EYA4: variants seen among roughly 807,000 people sequenced by gnomAD.
The protein encoded by EYA4 is EYA transcriptional coactivator and phosphatase 4, also known as protein phosphatase EYA4.
In EYA4, 31 loss-of-function variants were observed where a neutral mutation model predicts 87.9. That is an observed-to-expected ratio of 0.35 (90% CI 0.27 to 0.48). The LOEUF is 0.48. Ranked by LOEUF, EYA4 falls within the 20% of genes least tolerant of loss-of-function variation. The pLI, the probability that EYA4 is intolerant of heterozygous loss-of-function variation, is 0.99. For synonymous variants in EYA4, 263 were observed against 270.6 expected (o/e 0.97, Z 0.28); for missense variants, 678 against 761.4 (o/e 0.89, Z 1.29).
chr6:133,374,564 C>T (rs148040351), intron 2 of EYA4, among the ~76,000 whole-genome samples: 4 of 152,054 alleles, frequency 2.6e-5, no homozygotes, highest in African/African-American at 9.6e-5. Context: ...TGATGTGTAG[C>T]AGTTAAAGAA....
At position 133,529,531 on chromosome 6, in the gene EYA4, CAAAA is replaced by C. The variant is rs749389761; in HGVS notation, c.*734_*737del. ...AATCTCTGTAGATAATGAAAAAAAA[CAAAA>C]AAAAAAACCTTTGTGATGATTCTTA... On this transcript the variant is annotated 3_prime_UTR_variant, in exon 20 of 20. Transcript: ENST00000355286. The C allele has an allele frequency of 5.1e-6, 4 of 790,896 alleles. No individual in the cohort carries two copies. Among genetic ancestry groups the C allele is most frequent in the Non-Finnish European group, 4.5e-6 (3 of 659,488 alleles). 49.0% of individuals were successfully genotyped at this position (790,896 alleles called of 1,614,324 possible).
At chr6:133,476,278 C>T (rs1795721746) in intron 11 of EYA4, among the ~76,000 whole-genome samples, 1 of 152,154 alleles carries the variant, frequency 6.6e-6, no homozygotes, top group East Asian at 1.9e-4. Flanking sequence ...AATCTATTCT[C>T]TTAGCAATTT....
At chr6:133,360,807 G>A (rs896751905) in intron 2 of EYA4, 4 of 152,146 alleles carry the variant, frequency 2.6e-5, no homozygotes, top group Non-Finnish European at 4.4e-5. Flanking sequence ...TGGCATTCTC[G>A]ATGCTCCTCT....
chr6:133,378,239 A>C (rs1273507825), intron 2 of EYA4, among the ~76,000 whole-genome samples: 1 of 152,136 alleles, frequency 6.6e-6, no homozygotes, highest in Non-Finnish European at 1.5e-5. Flanking sequence ...CTTAAGTTGT[A>C]ATTCCAGCCT....
Position 133,444,003 on chromosome 6 carries a change from T to C in EYA4, c.84-2627T>C, listed in dbSNP as rs149009697. Among the ~76,000 whole-genome samples, 1,258 of 152,292 alleles carry C rather than the reference T, an allele frequency of 8.3e-3. 20 individuals are homozygous for C. Among genetic ancestry groups the C allele is most frequent in the African/African-American group, 0.029 (1,205 of 41,572 alleles). ...GAAAATAGTGTGCATTTTATAATTA[T>C]TGGGTATTAGTGTCCTGGAACTGTC... On this transcript the variant is annotated intron_variant, in intron 3 of 19. Coordinates refer to ENST00000355286, the MANE Select transcript of EYA4 (RefSeq NM_004100.5).
At chr6:133,417,183 G>T (rs1789788646) in intron 3 of EYA4, among the ~76,000 whole-genome samples, 2 of 152,182 alleles carry the variant, frequency 1.3e-5, no homozygotes, top group Admixed American at 1.3e-4. Context: ...TATTGATGGG[G>T]TAATTAAAGG....
At chr6:133,390,966 TACAA>T (rs567657469) in intron 3 of EYA4, among the ~76,000 whole-genome samples, 15 of 152,136 alleles carry the variant, frequency 9.9e-5, no homozygotes, top group East Asian at 7.7e-4. Flanking sequence ...CACAGTGAGG[TACAA>T]ACAAACAAAC....
At chr6:133,372,183 C>T (rs1273872024) in intron 2 of EYA4, among the ~76,000 whole-genome samples, 2 of 152,074 alleles carry the variant, frequency 1.3e-5, no homozygotes, top group African/African-American at 2.4e-5. Context: ...GTTGAAGTTA[C>T]ACAGTTAATG....
At chr6:133,361,445 C>T (rs930847263) in intron 2 of EYA4, among the ~76,000 whole-genome samples, 1 of 152,124 alleles carries the variant, frequency 6.6e-6, no homozygotes, top group Non-Finnish European at 1.5e-5. Flanking sequence ...AATGCTGATA[C>T]CTGGGCTTCC....
rs372116781 is a variant in EYA4 at position 133,323,509 on chromosome 6, C to G, written c.33+48696C>G. 4.9e-4 allele frequency among the ~76,000 whole-genome samples: 74 copies of G among 152,148 alleles called. No homozygotes were observed. In the South Asian group the frequency reaches 0.015, roughly 31 times the overall value. ...TTGCGTAAACTTTGGTTAATCAGAT[C>G]GATTGTCAAATCCAGCTATATTGCT... On this transcript the variant is annotated intron_variant, in intron 2 of 19. Coordinates refer to ENST00000355286, the MANE Select transcript of EYA4 (RefSeq NM_004100.5).
At position 133,421,310 on chromosome 6, in the gene EYA4, C is replaced by T. The variant is rs976220435; in HGVS notation, c.84-25320C>T. Among the ~76,000 whole-genome samples, 7 of 152,206 alleles carry T rather than the reference C, an allele frequency of 4.6e-5. No homozygotes were observed. The South Asian group carries it at 6.2e-4, about 13-fold the overall frequency. ...ATCGTCTTAGTTCTATCCAAGAATTCTTGTAGAACCTAAGAAGGAGAGCTG... is the reference window on the plus strand; with the variant it reads ...ATCGTCTTAGTTCTATCCAAGAATTTTTGTAGAACCTAAGAAGGAGAGCTG... On this transcript the variant is annotated intron_variant, in intron 3 of 19. Transcript: ENST00000355286.
At chr6:133,414,726 G>C (rs192868809) in intron 3 of EYA4, among the ~76,000 whole-genome samples, 10 of 152,300 alleles carry the variant, frequency 6.6e-5, no homozygotes, top group Non-Finnish European at 1.3e-4. Flanking sequence ...GTCTCATGCT[G>C]CCTGATGTTC....
At chr6:133,257,355 G>A (rs1336908329) in intron 1 of EYA4, among the ~76,000 whole-genome samples, 1 of 152,114 alleles carries the variant, frequency 6.6e-6, no homozygotes, top group Non-Finnish European at 1.5e-5. Context: ...CCCCAACGTA[G>A]GTGAGGCCTG....
At chr6:133,285,304 T>C (rs1777962361) in intron 2 of EYA4, among the ~76,000 whole-genome samples, 1 of 152,098 alleles carries the variant, frequency 6.6e-6, no homozygotes, top group South Asian at 2.1e-4. Flanking sequence ...TGAGAAGATG[T>C]TGTGCAAAGA....
At chr6:133,467,416 T>G (rs1376115134) in intron 10 of EYA4, among the ~76,000 whole-genome samples, 2 of 152,118 alleles carry the variant, frequency 1.3e-5, no homozygotes, top group Non-Finnish European at 2.9e-5. Flanking sequence ...ATCTGAGCCC[T>G]TAGAACAGTG....
rs146055654 is a variant in EYA4, at chr6:133,390,793, G to A, written c.83+8352G>A. Among the ~76,000 whole-genome samples the A allele has an allele frequency of 2.2e-3, 339 of 152,334 alleles. 2 individuals are homozygous for A. The highest frequency in any genetic ancestry group is 7.8e-3 in the African/African-American group (324 of 41,574). On this transcript the variant is annotated intron_variant, in intron 3 of 19. Coordinates refer to ENST00000355286, the MANE Select transcript of EYA4 (RefSeq NM_004100.5). Reference sequence around the variant, plus strand: ...TAATACTTATCTGGTAAGTTCTACAGATGAAATCATTTCATTAGAGGGATA... The same window carrying A: ...TAATACTTATCTGGTAAGTTCTACAAATGAAATCATTTCATTAGAGGGATA...
chr6:133,459,427 A>G (rs1484943871), intron 6 of EYA4, among the ~76,000 whole-genome samples: 2 of 152,064 alleles, frequency 1.3e-5, no homozygotes, highest in African/African-American at 4.8e-5. Context: ...TATAATGAAT[A>G]TTTATCTTCA....
chr6:133,423,053 G>A (rs957793955), intron 3 of EYA4, among the ~76,000 whole-genome samples: 1 of 152,120 alleles, frequency 6.6e-6, no homozygotes, highest in African/African-American at 2.4e-5. Flanking sequence ...GAGGGTGAGT[G>A]GCTAGATATG....
At chr6:133,498,506 T>C (rs1328114357) in intron 13 of EYA4, among the ~76,000 whole-genome samples, 1 of 152,204 alleles carries the variant, frequency 6.6e-6, no homozygotes, top group Non-Finnish European at 1.5e-5. Flanking sequence ...AACTGAATTT[T>C]TCTAAGGAAA....
Sources: allele counts gnomAD v4.1 joint callset (sites outside exome capture counted in the v4.1 genomes callset), GRCh38; gene constraint gnomAD v4.1.1; transcripts MANE v1.5; gene names NCBI Gene and HGNC (gene_info 2026-07-23, HGNC 2026-07-21).